The following ANKRD42 variants were observed in gnomAD, a reference collection of about 807,000 sequenced individuals.
ANKRD42 encodes ankyrin repeat domain-containing protein 42.
In ANKRD42, 43 loss-of-function variants were observed where a neutral mutation model predicts 51.5. The observed-to-expected ratio is 0.83, with a 90% CI of 0.65 to 1.08. The LOEUF is 1.08. Ranked by LOEUF, ANKRD42 falls within the 50% of genes least tolerant of loss-of-function variation. ANKRD42 has a pLI of 0.00. For synonymous variants in ANKRD42, 203 were observed against 213.0 expected, an observed-to-expected ratio of 0.95 and a Z score of 0.41; for missense variants, 608 against 629.3, an observed-to-expected ratio of 0.97 and a Z score of 0.36.
rs374956149 is a variant in ANKRD42 at position 83,243,207 on chromosome 11, G to T, written c.1195+2273G>T. On this transcript the variant is annotated intron_variant, in intron 9 of 10. Coordinates refer to ENST00000533342, the MANE Select transcript of ANKRD42 (RefSeq NM_001300975.2). ...TGGCATTTCATTGTGGTTTTGATTT[G>T]CATTTCTCTAATGATTCCTGATGTT... is the stretch of plus-strand genomic sequence containing the variant. 8.5e-5 allele frequency among the ~76,000 whole-genome samples: 13 copies of T among 152,190 alleles called. No homozygotes were observed. The East Asian group carries it at 2.3e-3, about 27-fold the overall frequency.
downstream of ANKRD42, among the ~76,000 whole-genome samples, chr11:83,253,021 G>T (rs192460282): frequency 2.0e-5 from 3 of 152,288 alleles, no homozygotes; most frequent in East Asian, 5.8e-4. Context: ...CTAATCAAGA[G>T]TGACTGACCG....
chr11:83,208,442 G>A (rs567041140), intron 3 of ANKRD42, among the ~76,000 whole-genome samples: 2 of 152,068 alleles, frequency 1.3e-5, no homozygotes, highest in African/African-American at 2.4e-5. Context: ...GACCTTAACC[G>A]GGGAATGAGA....
chr11:83,254,097 C>T (rs755307403), intron 11 of ANKRD42, among the ~76,000 whole-genome samples: 3 of 152,134 alleles, frequency 2.0e-5, no homozygotes, highest in Non-Finnish European at 2.9e-5. Context: ...GCCTCAGCCT[C>T]GTGAGTAGCT....
intron 9 of ANKRD42, among the ~76,000 whole-genome samples, chr11:83,242,859 G>A (rs1468885597): frequency 6.6e-6 from 1 of 152,056 alleles, no homozygotes; most frequent in Admixed American, 6.6e-5. Flanking sequence ...CACTGTGCCC[G>A]GCCGCACCAC....
chr11:83,257,265 G>C (rs1195954136), downstream of ANKRD42: 6 of 455,518 alleles, frequency 1.3e-5, no homozygotes, highest in Non-Finnish European at 8.8e-6. Flanking sequence ...GGGGTATGGT[G>C]AGAGGGCTCC....
intron 5 of ANKRD42, chr11:83,212,663 G>A (rs1393156722): frequency 6.5e-7 from 1 of 1,536,088 alleles, no homozygotes; most frequent in East Asian, 2.4e-5. Flanking sequence ...AACCTCCTTA[G>A]ATCCCTGTGG....
At chr11:83,226,893 A>G (rs59900837) in intron 6 of ANKRD42, among the ~76,000 whole-genome samples, 7 of 152,294 alleles carry the variant, frequency 4.6e-5, no homozygotes, top group South Asian at 2.1e-4. Flanking sequence ...GATTATTTAA[A>G]GTATATGGGA....
Position 83,240,918 on chromosome 11 carries a change from T to C in ANKRD42, c.1179T>C (p.Asp393=). The C allele has an allele frequency of 6.2e-7, 1 of 1,612,676 alleles. No homozygotes were observed. Among genetic ancestry groups the C allele is most frequent in the Non-Finnish European group, 8.5e-7 (1 of 1,179,176 alleles). The change falls in exon 9 of 11, where the codon GAT becomes GAC. Residue 393 remains aspartate, a synonymous_variant. Transcript: ENST00000533342. ...ATGATTTATGTCTGAGTGACTTGGA[T>C]AAAACAGATGCCAGAAGTAAGTATG... ...AKDDLCLSDL[D]KTDARMRAYK...
intron 7 of ANKRD42, among the ~76,000 whole-genome samples, chr11:83,230,065 G>A (rs1343378964): frequency 6.6e-6 from 1 of 152,074 alleles, no homozygotes; most frequent in Non-Finnish European, 1.5e-5. Context: ...TCACCCTGTT[G>A]TGCTATCAGA....
chr11:83,211,743 A>G (rs938942062), intron 5 of ANKRD42, among the ~76,000 whole-genome samples: 4 of 152,128 alleles, frequency 2.6e-5, no homozygotes, highest in African/African-American at 9.7e-5. Flanking sequence ...TTGAGGCTAC[A>G]GTGAGCTGTG....
At chr11:83,213,482 T>A in intron 5 of ANKRD42, 1 of 1,358,010 alleles carries the variant, frequency 7.4e-7, no homozygotes, top group Non-Finnish European at 9.5e-7. Flanking sequence ...CAACAAAAAA[T>A]TATTTTGTGT....
At chr11:83,210,564 CT>C in intron 4 of ANKRD42, 145 bp downstream of exon 4, 1 of 1,043,456 alleles carries the variant, frequency 9.6e-7, no homozygotes, top group East Asian at 2.7e-5. Flanking sequence ...GCTTTTCTAT[CT>C]TTAAACATAG....
At chr11:83,221,604 C>T (rs1590986971) in intron 5 of ANKRD42, among the ~76,000 whole-genome samples, 1 of 152,162 alleles carries the variant, frequency 6.6e-6, no homozygotes, top group African/African-American at 2.4e-5. Context: ...TCCTTTTTGG[C>T]CCTAAATGGC....
At chr11:83,210,514 T>G in intron 4 of ANKRD42, 95 bp downstream of exon 4, 5 of 1,399,484 alleles carry the variant, frequency 3.6e-6, no homozygotes, top group Non-Finnish European at 4.9e-6. Flanking sequence ...TTTAGATCTC[T>G]TAATATGACT....
intron 2 of ANKRD42, among the ~76,000 whole-genome samples, chr11:83,205,847 A>G (rs1193401990): frequency 6.6e-6 from 1 of 152,232 alleles, no homozygotes; most frequent in Non-Finnish European, 1.5e-5. Context: ...TATGGTCTCC[A>G]GTTTGCCACA....
In ANKRD42 at chr11:83,193,737, C is replaced by A; in HGVS notation, c.-934C>A. 1 of 416,880 alleles carries A rather than the reference C, an allele frequency of 2.4e-6. No homozygotes were observed. The highest frequency in any genetic ancestry group is 4.8e-6 in the Non-Finnish European group (1 of 208,384). 25.8% of individuals were successfully genotyped at this position (416,880 alleles called of 1,614,324 possible). On this transcript the variant is annotated 5_prime_UTR_variant, in exon 1 of 11. In the 5' UTR this introduces an upstream ATG that the reference lacks. Transcript: ENST00000533342. ...ACTCGTTTCCAAGGCGACGGCCCTG[C>A]TGCCTCTCCAGCCAAGTGGCTGGAG...
chr11:83,200,048 C>A (rs1420451731), intron 2 of ANKRD42, among the ~76,000 whole-genome samples: 2 of 151,790 alleles, frequency 1.3e-5, no homozygotes, highest in Non-Finnish European at 2.9e-5. Context: ...ACAGATGTCT[C>A]CTAGTTTCAT....
chr11:83,226,651 A>G (rs1048608079), intron 6 of ANKRD42, among the ~76,000 whole-genome samples: 2 of 152,190 alleles, frequency 1.3e-5, no homozygotes, highest in Non-Finnish European at 2.9e-5. Flanking sequence ...GACAGAATAC[A>G]ATAAAGACCA....
intron 9 of ANKRD42, among the ~76,000 whole-genome samples, chr11:83,244,791 A>G (rs1193606570): frequency 2.6e-5 from 4 of 152,238 alleles, no homozygotes; most frequent in Non-Finnish European, 5.9e-5. Context: ...CAAGTGACCA[A>G]TCACAAAATT....
Sources: allele counts gnomAD v4.1 joint callset (sites outside exome capture counted in the v4.1 genomes callset), GRCh38; gene constraint gnomAD v4.1.1; transcripts MANE v1.5; gene names NCBI Gene and HGNC (gene_info 2026-07-23, HGNC 2026-07-21).